The following CAMSAP1 variants were observed in gnomAD, a reference collection of about 807,000 sequenced individuals.
The protein encoded by CAMSAP1 is calmodulin regulated spectrin associated protein 1.
A neutral mutation model predicts 143.5 loss-of-function variants in CAMSAP1; 58 were observed. The ratio of observed to expected loss-of-function variants is 0.40; its 90% CI spans 0.33 to 0.50. The LOEUF (loss-of-function observed/expected upper bound fraction) is 0.50. Ranked by LOEUF, CAMSAP1 falls within the 20% of genes least tolerant of loss-of-function variation. CAMSAP1 has a pLI of 0.45. For missense variants in CAMSAP1, 1,969 were observed against 2,115.7 expected (o/e 0.93, Z 1.36); for synonymous variants, 945 against 859.3 (o/e 1.10, Z -1.74).
intron 3 of CAMSAP1, among the ~76,000 whole-genome samples, chr9:135,881,321 G>A (rs903616709): frequency 6.6e-6 from 1 of 151,342 alleles, no homozygotes; most frequent in Admixed American, 6.6e-5. Context: ...TCGTGCCACT[G>A]TACTCCAGCC....
At chr9:135,905,973 C>CTGTA (rs1184667267) in intron 1 of CAMSAP1, among the ~76,000 whole-genome samples, 1 of 152,242 alleles carries the variant, frequency 6.6e-6, no homozygotes, top group African/African-American at 2.4e-5. Flanking sequence ...TAAACAAGAA[C>CTGTA]TGTAAAACTG....
rs1837976966 is a variant in CAMSAP1 at position 135,882,078 on chromosome 9, T to A, written c.424-284A>T. ...TGCACTGTCTCACACTGTCCTTTCT[T>A]ATCTCCTCAACAGCCCTGTGGGACT... is the stretch of plus-strand genomic sequence containing the variant. On this transcript the variant is annotated intron_variant, in intron 2 of 16. Coordinates refer to ENST00000389532, the MANE Select transcript of CAMSAP1 (RefSeq NM_015447.4). The surrounding 1 kb of genome is among the most constrained non-coding windows in gnomAD (Gnocchi z 4.9). 6.6e-6 allele frequency among the ~76,000 whole-genome samples: 1 copy of A among 152,108 alleles called. No individual in the cohort carries two copies.
chr9:135,867,489 TA>T (rs140462483), intron 3 of CAMSAP1, among the ~76,000 whole-genome samples: 23 of 142,610 alleles, frequency 1.6e-4, no homozygotes, highest in Admixed American at 1.2e-3. Flanking sequence ...TTTTTTTTTT[TA>T]AAAAAAAAGT....
intron 4 of CAMSAP1, among the ~76,000 whole-genome samples, chr9:135,864,995 G>A (rs1009178602): frequency 4.6e-5 from 7 of 152,174 alleles, no homozygotes; most frequent in African/African-American, 1.7e-4. Context: ...ACATCAGAAA[G>A]AACAAAATAT....
chr9:135,855,739 A>G (rs1198521144), intron 5 of CAMSAP1, among the ~76,000 whole-genome samples: 1 of 134,250 alleles, frequency 7.4e-6, no homozygotes, highest in Non-Finnish European at 1.6e-5. Flanking sequence ...GGGAGACTTC[A>G]TCTCAATTTA....
At chr9:135,836,122 G>A (rs1478804021) in intron 7 of CAMSAP1, 1 of 985,340 alleles carries the variant, frequency 1.0e-6, no homozygotes, top group African/African-American at 1.7e-5. Context: ...CTCTGGGGCA[G>A]ACTTCCTGCC....
chr9:135,836,536 T>A (rs1836049079), intron 7 of CAMSAP1: 1 of 972,630 alleles, frequency 1.0e-6, no homozygotes, highest in South Asian at 4.8e-5. Context: ...AGCCACACAG[T>A]CATGTACCTT....
chr9:135,897,323 C>A (rs901236380), intron 1 of CAMSAP1, among the ~76,000 whole-genome samples: 7 of 151,752 alleles, frequency 4.6e-5, no homozygotes, highest in African/African-American at 1.5e-4. Flanking sequence ...CCAGCTAATT[C>A]TTTTTTTTAA....
intron 7 of CAMSAP1, among the ~76,000 whole-genome samples, chr9:135,838,117 A>C (rs1836171287): frequency 6.7e-6 from 1 of 148,588 alleles, no homozygotes; most frequent in African/African-American, 2.5e-5. Flanking sequence ...TTCTACAGAC[A>C]CGTCATCACA....
chr9:135,867,477 C>CTT lies in CAMSAP1; in HGVS notation c.586-943_586-942dup, dbSNP rs547781628. 1.7e-3 allele frequency among the ~76,000 whole-genome samples: 241 copies of CTT among 139,548 alleles called. 2 individuals carry two copies. The highest frequency in any genetic ancestry group is 6.2e-3 in the African/African-American group (232 of 37,488). 91.5% of individuals were successfully genotyped at this position (139,548 alleles called of 152,430 possible). A position where few individuals can be genotyped will look rare whatever the true frequency, so the allele number is the denominator to read the frequency against. ...CTAGGCAACACAGCAAGACCCCCCT[C>CTT]TTTTTTTTTTTTAAAAAAAAAGTCT... On this transcript the variant is annotated intron_variant, in intron 3 of 16. Transcript: ENST00000389532.
intron 7 of CAMSAP1, among the ~76,000 whole-genome samples, chr9:135,846,426 C>G (rs1836553376): frequency 6.6e-6 from 1 of 151,984 alleles, no homozygotes; most frequent in Non-Finnish European, 1.5e-5. Context: ...ACCATAAAAA[C>G]CTAGAAGAAA....
At chr9:135,864,949 CA>C (rs1419940385) in intron 4 of CAMSAP1, among the ~76,000 whole-genome samples, 1 of 152,218 alleles carries the variant, frequency 6.6e-6, no homozygotes, top group Non-Finnish European at 1.5e-5. Context: ...TGGCTCCTAA[CA>C]GATGTCACAT....
At position 135,808,580 on chromosome 9, in the gene CAMSAP1, AT is replaced by A. The variant is rs1463347401; in HGVS notation, c.*2728del. 1.3e-5 allele frequency: 2 copies of A among 152,242 alleles called. No homozygotes were observed. The highest frequency in any genetic ancestry group is 4.8e-5 in the African/African-American group (2 of 41,474). 9.4% of individuals were successfully genotyped at this position (152,242 alleles called of 1,614,324 possible). On this transcript the variant is annotated 3_prime_UTR_variant, in exon 17 of 17. Coordinates refer to ENST00000389532, the MANE Select transcript of CAMSAP1 (RefSeq NM_015447.4). ...GAGGTAAAAGTATAACCTAGAAGTA[AT>A]TTAGAATTATTCCACTTTTCAATTT...
Position 135,811,770 on chromosome 9 carries a change from T to G in CAMSAP1, c.4507-159A>C, listed in dbSNP as rs201416903. On this transcript the variant is annotated intron_variant, in intron 16 of 16. Transcript: ENST00000389532. The surrounding 1 kb of genome is among the most constrained non-coding windows in gnomAD (Gnocchi z 4.9). ...GTTGTAAACAATTACAGCAGACCCC[T>G]GTACGGGAGCATTATATGCCATTGA... Among the ~76,000 whole-genome samples the G allele has an allele frequency of 1.4e-4, 22 of 152,334 alleles. No homozygotes were observed. The East Asian group carries it at 2.1e-3, about 15-fold the overall frequency.
intron 3 of CAMSAP1, among the ~76,000 whole-genome samples, chr9:135,875,367 G>C (rs370384134): frequency 1.3e-5 from 2 of 152,010 alleles, no homozygotes; most frequent in East Asian, 3.8e-4. Flanking sequence ...GTGCCACCAT[G>C]CCTGGCTAGT....
intron 5 of CAMSAP1, among the ~76,000 whole-genome samples, chr9:135,853,151 C>T (rs181920779): frequency 6.6e-6 from 1 of 152,298 alleles, no homozygotes. Context: ...CAGTACCTTG[C>T]CCCTGAGGTG....
rs775913276 is a variant in CAMSAP1 at position 135,881,685 on chromosome 9, G to A, written c.533C>T (p.Ser178Leu). The A allele has an allele frequency of 9.0e-6, 14 of 1,551,726 alleles. No individual in the cohort carries two copies. In the South Asian group the frequency reaches 1.2e-4, roughly 13 times the overall value. ...CTCGAGGTCGTACGGAAGTTCTTTC[G>A]AGGCACTGAACGTTGAGAAGCGCTT... ...SVKRFSTFSA[S>L]KELPYDLEDA... The change falls in exon 3 of 17, where the codon TCG becomes TTG. Residue 178 changes from serine to leucine, a missense_variant. Physicochemically the swap from Ser to Leu is moderately radical, Grantham distance 145. Transcript: ENST00000389532.
rs777960153 is a variant in CAMSAP1, at chr9:135,821,930, C to T, written c.2731G>A (p.Gly911Ser). ...ACCACATGCAGGAATGCAGCCTTGCCGAGCTTCAGGCGCTGCCTTGCCGAC... is the reference window on the plus strand; with the variant it reads ...ACCACATGCAGGAATGCAGCCTTGCTGAGCTTCAGGCGCTGCCTTGCCGAC... ...ALSARQRLKL[G>S]KAAFLHVVKK... Residue 911 changes from glycine (G) to serine (S), a missense_variant, in exon 11 of 17, where the codon GGC (glycine) becomes AGC (serine). Gly to Ser is a moderately conservative substitution (Grantham distance 56). Coordinates refer to ENST00000389532, the MANE Select transcript of CAMSAP1 (RefSeq NM_015447.4). This position sits in a 1 kb window ranked among gnomAD's most constrained non-coding sequence, Gnocchi z 4.6. 1.1e-5 allele frequency: 17 copies of T among 1,613,136 alleles called. No individual in the cohort carries two copies. The highest frequency in any genetic ancestry group is 1.7e-5 in the Admixed American group (1 of 59,904).
chr9:135,813,085 C>A lies in CAMSAP1; in HGVS notation c.4507-1474G>T, dbSNP rs78039070. Among the ~76,000 whole-genome samples the A allele has an allele frequency of 2.9e-3, 438 of 152,368 alleles. 2 individuals are homozygous for A. Among genetic ancestry groups the A allele is most frequent in the African/African-American group, 0.01 (417 of 41,582 alleles). On this transcript the variant is annotated intron_variant, in intron 16 of 16. Coordinates refer to ENST00000389532, the MANE Select transcript of CAMSAP1 (RefSeq NM_015447.4). ...GTAACTTTTAAAAACAAACCCTCCA[C>A]ACGCCTGGGAATGGGAGTGCACCTG...
Sources: allele counts gnomAD v4.1 joint callset (sites outside exome capture counted in the v4.1 genomes callset), GRCh38; gene constraint gnomAD v4.1.1; non-coding constraint Gnocchi (gnomAD v3.1); transcripts MANE v1.5; gene names NCBI Gene and HGNC (gene_info 2026-07-23, HGNC 2026-07-21).